PAPPA2: variants seen among roughly 807,000 people sequenced by gnomAD.
PAPPA2 encodes the protein pappalysin-2.
Under a neutral mutation model 176.4 loss-of-function variants are expected in PAPPA2, and 86 were observed. The ratio of observed to expected loss-of-function variants is 0.49; its 90% CI spans 0.41 to 0.58. PAPPA2 has a LOEUF of 0.58. PAPPA2 is among the 20% of genes least tolerant of loss of function. The pLI is 0.00. For synonymous variants in PAPPA2, 809 were observed against 852.2 expected (o/e 0.95, Z 0.88); for missense variants, 2,073 against 2,256.9 (o/e 0.92, Z 1.65).
chr1:176,811,021 A>C (rs1160433543), intron 21 of PAPPA2, among the ~76,000 whole-genome samples: 1 of 152,030 alleles, frequency 6.6e-6, no homozygotes, highest in African/African-American at 2.4e-5. Context: ...CTATTATTAC[A>C]CTTTAGTAAT....
chr1:176,744,149 A>AT (rs1208028774), intron 14 of PAPPA2, among the ~76,000 whole-genome samples: 6 of 152,122 alleles, frequency 3.9e-5, no homozygotes, highest in Admixed American at 6.6e-5. Context: ...TAAGTATATA[A>AT]TTTTTTGTGA....
chr1:176,809,619 A>G (rs762920392), intron 21 of PAPPA2, among the ~76,000 whole-genome samples: 16 of 152,142 alleles, frequency 1.1e-4, no homozygotes, highest in Non-Finnish European at 2.2e-4. Flanking sequence ...AGGCCAATAT[A>G]TAACTCAGGT....
intron 14 of PAPPA2, among the ~76,000 whole-genome samples, chr1:176,754,376 C>G (rs1425729981): frequency 6.6e-6 from 1 of 152,218 alleles, no homozygotes; most frequent in Non-Finnish European, 1.5e-5. Flanking sequence ...TCTCCAGAGT[C>G]TCAGCAATCT....
rs77267624 is a variant in PAPPA2 at position 176,643,737 on chromosome 1, C to T, written c.1992-27233C>T. Among the ~76,000 whole-genome samples, 304 of 151,932 alleles carry T rather than the reference C, an allele frequency of 2.0e-3. 2 individuals are homozygous for T. The highest frequency in any genetic ancestry group is 6.8e-3 in the Middle Eastern group (2 of 294). Reference sequence around the variant, plus strand: ...GACCACAAAAGAGTGAGTCATAACCCGGCCATAGTCTGAATATGATCACTC... The same window carrying T: ...GACCACAAAAGAGTGAGTCATAACCTGGCCATAGTCTGAATATGATCACTC... On this transcript the variant is annotated intron_variant, in intron 3 of 22. Transcript: ENST00000367662.
At chr1:176,600,659 G>A (rs1317232574) in intron 3 of PAPPA2, among the ~76,000 whole-genome samples, 1 of 126,602 alleles carries the variant, frequency 7.9e-6, no homozygotes, top group Non-Finnish European at 1.6e-5. Context: ...CTGGGCGACA[G>A]AGCGAGACTC....
chr1:176,647,250 T>C (rs1230477195), intron 3 of PAPPA2, among the ~76,000 whole-genome samples: 1 of 151,670 alleles, frequency 6.6e-6, no homozygotes, highest in Admixed American at 6.6e-5. Context: ...CATTTTCTAG[T>C]TGGATTATTG....
At chr1:176,783,203 T>C (rs1174841975) in intron 17 of PAPPA2, among the ~76,000 whole-genome samples, 2 of 152,206 alleles carry the variant, frequency 1.3e-5, no homozygotes, top group South Asian at 2.1e-4. Flanking sequence ...TATTTTCCTA[T>C]ACAATAGTTA....
At chr1:176,526,238 T>C (rs931743352) in intron 1 of PAPPA2, among the ~76,000 whole-genome samples, 8 of 152,212 alleles carry the variant, frequency 5.3e-5, no homozygotes, top group Non-Finnish European at 1.2e-4. Context: ...GCTGGGGCCA[T>C]TGCCGGCTGT....
chr1:176,570,732 A>G (rs1193350790), intron 2 of PAPPA2, among the ~76,000 whole-genome samples: 6 of 149,174 alleles, frequency 4.0e-5, no homozygotes, highest in African/African-American at 1.5e-4. Flanking sequence ...GCCAGGTGCC[A>G]TGGCAGAGGA....
chr1:176,547,075 G>A (rs550309014), intron 1 of PAPPA2, among the ~76,000 whole-genome samples: 23 of 152,286 alleles, frequency 1.5e-4, no homozygotes, highest in African/African-American at 4.6e-4. Flanking sequence ...ATCCTCATGC[G>A]TGTCTCTATG....
Position 176,699,255 on chromosome 1 carries a change from C to G in PAPPA2, c.2902C>G (p.Leu968Val), listed in dbSNP as rs1466724483. 6.2e-7 allele frequency: 1 copy of G among 1,614,164 alleles called. No homozygotes were observed. The highest frequency in any genetic ancestry group is 2.2e-5 in the East Asian group (1 of 44,870). Residue 968 changes from leucine to valine, a missense_variant, in exon 8 of 23, where the codon CTG becomes GTG. Leu to Val is a conservative substitution (Grantham distance 32). Coordinates refer to ENST00000367662, the MANE Select transcript of PAPPA2 (RefSeq NM_020318.3). Reference sequence around the variant, plus strand: ...CCCGGTCCAAGCCGACACCCTCACCCTGTGGGTCACTTCCTTCTTCATGGA... The same window carrying G: ...CCCGGTCCAAGCCGACACCCTCACCGTGTGGGTCACTTCCTTCTTCATGGA... Reference protein sequence around the residue: ...QHPVQADTLTLWVTSFFMESS... With the variant: ...QHPVQADTLTVWVTSFFMESS...
intron 12 of PAPPA2, among the ~76,000 whole-genome samples, chr1:176,713,711 G>A (rs879603547): frequency 1.3e-5 from 2 of 152,006 alleles, no homozygotes; most frequent in Non-Finnish European, 2.9e-5. Context: ...GGAAGAGGTG[G>A]GCGTGTGAGA....
intron 1 of PAPPA2, among the ~76,000 whole-genome samples, chr1:176,520,360 G>C (rs1370132953): frequency 6.6e-6 from 1 of 152,144 alleles, no homozygotes; most frequent in East Asian, 1.9e-4. Flanking sequence ...ATTCAGTTGG[G>C]TTTGGAAACC....
Position 176,594,768 on chromosome 1 carries a change from T to G in PAPPA2, c.1164T>G (p.Ser388Arg). ...TGGATGGCACTCAGGTGGCTAGCAG[T>G]CTAGACCAGTCTGGTCCCCTGAACA... ...LYVDGTQVASSLDQSGPLNSP... is the reference protein window; with the variant it reads ...LYVDGTQVASRLDQSGPLNSP... The change falls in exon 3 of 23, where the codon AGT becomes AGG. Residue 388 changes from serine (S) to arginine (R), a missense_variant. By Grantham distance (110) the Ser-to-Arg change is moderately radical. This residue lies in a region of PAPPA2 where 1,196 missense variants were observed against 1,330.4 expected (regional missense o/e 0.90). Transcript: ENST00000367662. 6.2e-7 allele frequency: 1 copy of G among 1,614,196 alleles called. No homozygotes were observed. Among genetic ancestry groups the G allele is most frequent in the East Asian group, 2.2e-5 (1 of 44,864 alleles).
chr1:176,812,486 A>C (rs1338918253), intron 21 of PAPPA2, among the ~76,000 whole-genome samples: 1 of 152,132 alleles, frequency 6.6e-6, no homozygotes, highest in Non-Finnish European at 1.5e-5. Flanking sequence ...GTGCTTCAAA[A>C]CTGTGTTTTA....
intron 4 of PAPPA2, among the ~76,000 whole-genome samples, chr1:176,676,374 A>G (rs1411891727): frequency 6.6e-6 from 1 of 152,072 alleles, no homozygotes; most frequent in Non-Finnish European, 1.5e-5. Context: ...TAAACTGTGT[A>G]CATCGACACA....
At chr1:176,814,364 T>A (rs1297738097) in intron 21 of PAPPA2, among the ~76,000 whole-genome samples, 1 of 152,228 alleles carries the variant, frequency 6.6e-6, no homozygotes, top group South Asian at 2.1e-4. Flanking sequence ...AATCTATGAA[T>A]TACGTTGGAC....
At chr1:176,659,187 C>T (rs970954239) in intron 3 of PAPPA2, among the ~76,000 whole-genome samples, 21 of 151,798 alleles carry the variant, frequency 1.4e-4, no homozygotes, top group Non-Finnish European at 2.6e-4. Flanking sequence ...TTCTTAGGGC[C>T]GCTGTAACAA....
chr1:176,623,576 C>CCTTCCTTCCTTCCT (rs1558478866), intron 3 of PAPPA2, among the ~76,000 whole-genome samples: 1 of 84,956 alleles, frequency 1.2e-5, no homozygotes, highest in Non-Finnish European at 2.2e-5. Flanking sequence ...CCTTCCTTCC[C>CCTTCCTTCCTTCCT]TCCTTCCTTC....
Sources: gnomAD v4.1 joint callset for allele counts (sites outside exome capture counted in the v4.1 genomes callset) on GRCh38, gnomAD v4.1.1 for gene constraint, gnomAD v4.1.1 regional missense constraint, MANE v1.5 for transcripts, NCBI Gene and HGNC (gene_info 2026-07-23, HGNC 2026-07-21) for gene names.